Variants in PTPRG observed in about 807,000 individuals in gnomAD.
The protein encoded by PTPRG is protein tyrosine phosphatase receptor type G.
PTPRG carries 102 observed loss-of-function variants against 165.3 expected under a neutral mutation model. That is an observed-to-expected ratio of 0.62 (90% confidence interval 0.53 to 0.73). The LOEUF is 0.73. PTPRG is among the 30% of genes least tolerant of loss of function. The pLI, the probability that PTPRG is intolerant of heterozygous loss-of-function variation, is 0.00. For synonymous variants in PTPRG, 675 were observed against 669.5 expected, an observed-to-expected ratio of 1.01 and a Z score of -0.13; for missense variants, 1,866 against 1,861.4, an observed-to-expected ratio of 1.00 and a Z score of -0.05.
At chr3:61,900,415 A>G (rs1257760168) in intron 2 of PTPRG, among the ~76,000 whole-genome samples, 1 of 152,158 alleles carries the variant, frequency 6.6e-6, no homozygotes, top group Non-Finnish European at 1.5e-5. Context: ...TCCTCCTGTC[A>G]TTAGACACAT....
At chr3:62,135,270 CA>C (rs527679334) in intron 6 of PTPRG, among the ~76,000 whole-genome samples, 5,946 of 81,048 alleles carry the variant, frequency 0.073, 126 homozygotes, top group Middle Eastern at 0.18. Flanking sequence ...GATTCTGTCT[CA>C]AAAAAAAAAA....
At chr3:62,011,703 C>G (rs143108270) in intron 4 of PTPRG, among the ~76,000 whole-genome samples, 118 of 152,204 alleles carry the variant, frequency 7.8e-4, no homozygotes, top group African/African-American at 2.4e-3. Context: ...GTGAGGATGC[C>G]CTAGTACTTA....
chr3:61,701,863 T>G (rs1221740155), intron 1 of PTPRG, among the ~76,000 whole-genome samples: 1 of 151,652 alleles, frequency 6.6e-6, no homozygotes, highest in Non-Finnish European at 1.5e-5. Flanking sequence ...GTACTCAGCC[T>G]GGGTGACAGA....
intron 12 of PTPRG, among the ~76,000 whole-genome samples, chr3:62,206,912 CAAAAAAAA>C (rs556974355): frequency 1.4e-3 from 51 of 37,338 alleles, no homozygotes; most frequent in African/African-American, 3.5e-3. Context: ...GACTCTGTCT[CAAAAAAAA>C]AAAAAAAAAA....
At chr3:62,200,477 G>C (rs894810401) in intron 10 of PTPRG, among the ~76,000 whole-genome samples, 3 of 151,818 alleles carry the variant, frequency 2.0e-5, no homozygotes, top group African/African-American at 7.3e-5. Flanking sequence ...CATCATGTTG[G>C]CCAGGATGGT....
intron 2 of PTPRG, among the ~76,000 whole-genome samples, chr3:61,943,482 G>C (rs1052165457): frequency 1.3e-5 from 2 of 152,184 alleles, no homozygotes; most frequent in Admixed American, 1.3e-4. Flanking sequence ...GGAGGCTGAG[G>C]CAGGAGAATC....
chr3:61,564,746 G>A (rs970734031), intron 1 of PTPRG, among the ~76,000 whole-genome samples: 4 of 152,192 alleles, frequency 2.6e-5, no homozygotes, highest in Admixed American at 2.0e-4. Flanking sequence ...CACTGGTGGG[G>A]CTCCTGCCAC....
chr3:61,987,798 G>C (rs1373469367), intron 2 of PTPRG, among the ~76,000 whole-genome samples: 1 of 152,120 alleles, frequency 6.6e-6, no homozygotes, highest in Non-Finnish European at 1.5e-5. Context: ...GAAAATTTAA[G>C]CTGTAGACAG....
At chr3:61,651,395 A>T (rs4688651) in intron 1 of PTPRG, among the ~76,000 whole-genome samples, 116,668 of 151,560 alleles carry the variant, frequency 0.77, 46,075 homozygotes, top group South Asian at 0.9. Context: ...ACAAGAAAAT[A>T]CTAGTGATAG....
chr3:62,220,426 A>G (rs1298321133), intron 13 of PTPRG, among the ~76,000 whole-genome samples: 3 of 152,220 alleles, frequency 2.0e-5, no homozygotes, highest in Admixed American at 6.5e-5. Flanking sequence ...TGTGTCTCAG[A>G]TGAGGGTAGC....
At chr3:62,234,939 C>T (rs1256290483) in intron 14 of PTPRG, among the ~76,000 whole-genome samples, 1 of 150,982 alleles carries the variant, frequency 6.6e-6, no homozygotes, top group African/African-American at 2.4e-5. Flanking sequence ...ATCTACTTCC[C>T]CCCCCCGAGA....
In PTPRG at chr3:62,150,317, A is replaced by T. The variant is rs537993167; in HGVS notation, c.683-6750A>T. 2.6e-5 allele frequency among the ~76,000 whole-genome samples: 4 copies of T among 152,320 alleles called. No individual in the cohort carries two copies. In the East Asian group the frequency reaches 7.7e-4, roughly 29 times the overall value. ...GCTATACCTAAAAATCAGAAAGTGG[A>T]AGTGAATGAGGCTGCACAGGATGTA... On this transcript the variant is annotated intron_variant, in intron 6 of 29. Coordinates refer to ENST00000474889, the MANE Select transcript of PTPRG (RefSeq NM_002841.4).
intron 5 of PTPRG, among the ~76,000 whole-genome samples, chr3:62,080,611 A>AG (rs1701538266): frequency 6.6e-6 from 1 of 152,142 alleles, no homozygotes; most frequent in Admixed American, 6.5e-5. Context: ...TCTACTTCAT[A>AG]GGGAACCTTT....
At position 62,294,141 on chromosome 3, in the gene PTPRG, C is replaced by G. The variant is rs1057053260; in HGVS notation, c.*834C>G. 5 of 151,964 alleles carry G rather than the reference C, an allele frequency of 3.3e-5. No individual in the cohort carries two copies. The highest frequency in any genetic ancestry group is 2.6e-4 in the Admixed American group (4 of 15,222). 9.4% of individuals were successfully genotyped at this position (151,964 alleles called of 1,614,324 possible). On this transcript the variant is annotated 3_prime_UTR_variant, in exon 30 of 30. Coordinates refer to ENST00000474889, the MANE Select transcript of PTPRG (RefSeq NM_002841.4). ...ATTATATACAACTCAGTTATGAGAC[C>G]CTTTAGTTATTCTCCATTAATGCTT...
chr3:62,271,303 T>C lies in PTPRG; in HGVS notation c.3010-80T>C. The C allele has an allele frequency of 1.6e-6, 2 of 1,231,966 alleles. No individual in the cohort carries two copies. Among genetic ancestry groups the C allele is most frequent in the African/African-American group, 1.5e-5 (1 of 66,068 alleles). The allele number at this position is 1,231,966 out of a possible 1,614,324, so 76.3% of individuals were successfully genotyped here. ...AGGGTGAATGTGATCAGTGGTCATG[T>C]GTCCTGACACCCTTACATTATTTTT... On this transcript the variant is annotated intron_variant, in intron 20 of 29. Coordinates refer to ENST00000474889, the MANE Select transcript of PTPRG (RefSeq NM_002841.4). The surrounding 1 kb of genome is among the most constrained non-coding windows in gnomAD (Gnocchi z 4.1).
intron 1 of PTPRG, among the ~76,000 whole-genome samples, chr3:61,649,288 A>G (rs148534555): frequency 5.3e-5 from 8 of 152,214 alleles, no homozygotes; most frequent in African/African-American, 1.9e-4. Flanking sequence ...CTAAAGTACT[A>G]GGATTACAGG....
chr3:61,649,913 C>A (rs1702303272), intron 1 of PTPRG, among the ~76,000 whole-genome samples: 1 of 152,152 alleles, frequency 6.6e-6, no homozygotes, highest in Non-Finnish European at 1.5e-5. Flanking sequence ...AACAGACTTG[C>A]TATAATCTGC....
chr3:61,600,107 C>A (rs1700810065), intron 1 of PTPRG, among the ~76,000 whole-genome samples: 1 of 149,290 alleles, frequency 6.7e-6, no homozygotes, highest in Non-Finnish European at 1.5e-5. Context: ...TTGCAGTGAG[C>A]CAAGAGCAAG....
intron 5 of PTPRG, among the ~76,000 whole-genome samples, chr3:62,131,362 T>A (rs867553968): frequency 2.2e-4 from 34 of 152,120 alleles, no homozygotes; most frequent in African/African-American, 8.0e-4. Context: ...TTAGGAGAGA[T>A]GGAAGTGTGT....
Sources: allele counts gnomAD v4.1 joint callset (sites outside exome capture counted in the v4.1 genomes callset), GRCh38; gene constraint gnomAD v4.1.1; non-coding constraint Gnocchi (gnomAD v3.1); transcripts MANE v1.5; gene names NCBI Gene and HGNC (gene_info 2026-07-23, HGNC 2026-07-21).